The following DNAH6 variants were observed in gnomAD, a reference collection of about 807,000 sequenced individuals.
The protein encoded by DNAH6 is axonemal beta dynein heavy chain 6.
A neutral mutation model predicts 491.4 loss-of-function variants in DNAH6; 340 were observed. The observed-to-expected ratio is 0.69, with a 90% CI of 0.63 to 0.76. The LOEUF (loss-of-function observed/expected upper bound fraction) is 0.76, where lower values mean the gene tolerates loss of function less well. Among genes scored for constraint, DNAH6 ranks in the 30% least tolerant of loss-of-function variants. The pLI, the probability that DNAH6 is intolerant of heterozygous loss-of-function variation, is 0.00. For synonymous variants in DNAH6, 1,603 were observed against 1,686.1 expected (o/e 0.95, Z 1.21); for missense variants, 4,443 against 4,972.2 (o/e 0.89, Z 3.20).
the DNAH6 span, among the ~76,000 whole-genome samples, chr2:84,495,120 A>G: frequency 6.6e-6 from 1 of 152,206 alleles, no homozygotes; most frequent in East Asian, 1.9e-4. Flanking sequence ...AGAATTTTTC[A>G]AAGTTCTCTA....
chr2:84,484,176 A>C, the DNAH6 span, among the ~76,000 whole-genome samples: 1 of 152,066 alleles, frequency 6.6e-6, no homozygotes, highest in Admixed American at 6.6e-5. Context: ...TGGGTTGCTG[A>C]CATCTGCATC....
chr2:84,817,613 A>T (rs914195899), intron 76 of DNAH6, among the ~76,000 whole-genome samples: 3 of 152,268 alleles, frequency 2.0e-5, no homozygotes, highest in Non-Finnish European at 2.9e-5. Flanking sequence ...AATTAAAAAA[A>T]AAAAATCCAA....
chr2:84,464,543 C>G, the DNAH6 span, among the ~76,000 whole-genome samples: 1 of 152,222 alleles, frequency 6.6e-6, no homozygotes, highest in East Asian at 1.9e-4. Context: ...AGAATGGCTA[C>G]TCCATAAACA....
chr2:84,720,267 C>CTTTTTTTTT (rs56944137), intron 59 of DNAH6, among the ~76,000 whole-genome samples: 1 of 49,480 alleles, frequency 2.0e-5, no homozygotes, highest in Non-Finnish European at 3.7e-5. Context: ...AAGAGTGCTT[C>CTTTTTTTTT]TTTTTTTTTT....
chr2:84,792,879 A>G (rs1159126244), intron 68 of DNAH6, among the ~76,000 whole-genome samples: 1 of 152,206 alleles, frequency 6.6e-6, no homozygotes, highest in Non-Finnish European at 1.5e-5. Context: ...GAATAAACAG[A>G]GAAACATTTA....
intron 47 of DNAH6, among the ~76,000 whole-genome samples, chr2:84,698,961 CACTT>C (rs1315124132): frequency 1.3e-5 from 2 of 152,100 alleles, no homozygotes; most frequent in Non-Finnish European, 2.9e-5. Context: ...CACCTGTTCT[CACTT>C]ATAGCTAAAC....
At chr2:84,677,182 A>G (rs1693321925) in intron 41 of DNAH6, 46 bp downstream of exon 41, 3 of 1,549,790 alleles carry the variant, frequency 1.9e-6, no homozygotes, top group Admixed American at 3.9e-5. Context: ...AAGAAAGCAT[A>G]TTTGTTCCAA....
Position 84,672,353 on chromosome 2 carries a change from A to G in DNAH6, c.6481A>G (p.Ile2161Val), listed in dbSNP as rs778731409. 6.5e-7 allele frequency: 1 copy of G among 1,550,162 alleles called. No individual in the cohort carries two copies. The highest frequency in any genetic ancestry group is 1.2e-5 in the South Asian group (1 of 83,574). The change falls in exon 40 of 77, where the codon ATT (isoleucine) becomes GTT (valine). Residue 2161 changes from isoleucine (I) to valine (V), a missense_variant. Physicochemically the swap from Ile to Val is conservative, Grantham distance 29. Coordinates refer to ENST00000389394, the MANE Select transcript of DNAH6 (RefSeq NM_001370.2). ...LGAPGNKRIV[I>V]FVDDLNMPRL... is the part of the protein sequence containing the mutation. ...AGCACCGGGAAACAAACGAATTGTG[A>G]TTTTTGTTGATGATTTAAACATGCC...
chr2:84,481,801 G>A, the DNAH6 span, among the ~76,000 whole-genome samples: 370 of 152,328 alleles, frequency 2.4e-3, 1 homozygote, highest in Non-Finnish European at 2.7e-3. Context: ...AGATTAGGCC[G>A]TAGAAGCCTG....
intron 64 of DNAH6, among the ~76,000 whole-genome samples, chr2:84,776,237 T>C (rs539625921): frequency 1.3e-5 from 2 of 152,312 alleles, no homozygotes; most frequent in African/African-American, 4.8e-5. Flanking sequence ...CAGGAAGTTA[T>C]ATAAGACACA....
At chr2:84,506,681 C>T in the DNAH6 span, among the ~76,000 whole-genome samples, 1 of 91,134 alleles carries the variant, frequency 1.1e-5, no homozygotes, top group Non-Finnish European at 2.1e-5. Context: ...AGGTTTTCTT[C>T]TAGAGTTTTT....
At position 84,703,417 on chromosome 2, in the gene DNAH6, G is replaced by A. The variant is rs267599481; in HGVS notation, c.8084G>A (p.Gly2695Asp). ...TAGGCACGAGATCGGGTGAAGAATG[G>A]TCTCACCAAGCTACTAGAAACAAAC... The part of the protein sequence containing the change: ...IISARDRVKN[G>D]LTKLLETNIL... The change falls in exon 50 of 77, where the codon GGT becomes GAT. Residue 2695 changes from glycine (G) to aspartate (D), a missense_variant. This residue lies in a region of DNAH6 where 2,977 missense variants were observed against 3,296.6 expected (regional missense o/e 0.90). Transcript: ENST00000389394. The A allele has an allele frequency of 1.3e-6, 2 of 1,528,010 alleles. No homozygotes were observed. The highest frequency in any genetic ancestry group is 4.9e-5 in the East Asian group (2 of 40,758). 94.7% of individuals were successfully genotyped at this position (1,528,010 alleles called of 1,614,324 possible). A position where few individuals can be genotyped will look rare whatever the true frequency, so the allele number is the denominator to read the frequency against.
intron 11 of DNAH6, among the ~76,000 whole-genome samples, chr2:84,568,113 G>A (rs762563414): frequency 8.5e-5 from 13 of 152,102 alleles, no homozygotes; most frequent in Non-Finnish European, 1.2e-4. Context: ...GAATAGGAAC[G>A]CTTTTTACAC....
chr2:84,476,109 A>G, the DNAH6 span, among the ~76,000 whole-genome samples: 1 of 152,228 alleles, frequency 6.6e-6, no homozygotes, highest in East Asian at 1.9e-4. Flanking sequence ...TTGTTAAAGT[A>G]TCCCAATCAT....
chr2:84,675,342 G>T (rs550455785), intron 40 of DNAH6, among the ~76,000 whole-genome samples: 1 of 152,106 alleles, frequency 6.6e-6, no homozygotes, highest in Admixed American at 6.5e-5. Context: ...ACTGATTCAC[G>T]TAGAGACAGG....
chr2:84,493,548 C>T, the DNAH6 span, among the ~76,000 whole-genome samples: 2 of 152,104 alleles, frequency 1.3e-5, no homozygotes, highest in African/African-American at 4.8e-5. Flanking sequence ...AAAAGATACA[C>T]GTAGCTTTCA....
At chr2:84,703,593 G>A in intron 50 of DNAH6, 31 bp downstream of exon 50, 1 of 1,520,210 alleles carries the variant, frequency 6.6e-7, no homozygotes, top group South Asian at 1.3e-5. Flanking sequence ...ATGTGGAAAA[G>A]GCTTCTGTCA....
chr2:84,523,748 T>C (rs901803231), intron 2 of DNAH6, among the ~76,000 whole-genome samples: 12 of 152,198 alleles, frequency 7.9e-5, no homozygotes, highest in African/African-American at 2.9e-4. Flanking sequence ...TTATTTTCCA[T>C]GTAATTGCAT....
chr2:84,598,957 G>T (rs1021809620), intron 18 of DNAH6, among the ~76,000 whole-genome samples: 8 of 151,054 alleles, frequency 5.3e-5, no homozygotes, highest in African/African-American at 1.9e-4. Context: ...TTGAACCTGG[G>T]AGGTGGAGGT....
Sources: allele counts gnomAD v4.1 joint callset (sites outside exome capture counted in the v4.1 genomes callset), GRCh38; gene constraint gnomAD v4.1.1; regional missense constraint gnomAD v4.1.1; transcripts MANE v1.5; gene names NCBI Gene and HGNC (gene_info 2026-07-23, HGNC 2026-07-21).